GLIPR2: variants seen among roughly 807,000 people sequenced by gnomAD.
GLIPR2 encodes Golgi-associated plant pathogenesis-related protein 1.
GLIPR2 carries 21 observed loss-of-function variants against 20.4 expected under a neutral mutation model. The ratio of observed to expected loss-of-function variants is 1.03; its 90% CI spans 0.73 to 1.48. The LOEUF (loss-of-function observed/expected upper bound fraction) is 1.48, where lower values mean the gene tolerates loss of function less well. GLIPR2 is among the 40% of genes most tolerant of loss of function. The probability of loss-of-function intolerance (pLI) is 0.00; values close to 1 mark genes in which losing one functional copy is unlikely to be tolerated. For synonymous variants in GLIPR2, 91 were observed against 80.5 expected (o/e 1.13, Z -0.70); for missense variants, 205 against 200.1 (o/e 1.02, Z -0.15).
chr9:36,138,568 G>C (rs533996477), intron 1 of GLIPR2, among the ~76,000 whole-genome samples: 21 of 152,266 alleles, frequency 1.4e-4, no homozygotes, highest in African/African-American at 4.8e-4. Context: ...CGGTTTTCCA[G>C]AACTGCTCAT....
intron 1 of GLIPR2, among the ~76,000 whole-genome samples, chr9:36,140,776 T>C (rs1455653520): frequency 6.6e-6 from 1 of 152,166 alleles, no homozygotes; most frequent in African/African-American, 2.4e-5. Flanking sequence ...TACACCCGGC[T>C]CTAATGTGGG....
chr9:36,139,583 C>T (rs1014770466), intron 1 of GLIPR2, among the ~76,000 whole-genome samples: 1 of 152,184 alleles, frequency 6.6e-6, no homozygotes, highest in Non-Finnish European at 1.5e-5. Context: ...GTGGCACTCA[C>T]AGGGGCTCTG....
At chr9:36,149,404 T>C (rs1297520250) in intron 3 of GLIPR2, among the ~76,000 whole-genome samples, 1 of 152,250 alleles carries the variant, frequency 6.6e-6, no homozygotes, top group East Asian at 1.9e-4. Flanking sequence ...CCAGGGCTCC[T>C]GTGCAACGTG....
At chr9:36,148,711 T>C in intron 3 of GLIPR2, 61 bp downstream of exon 3, 1 of 1,152,122 alleles carries the variant, frequency 8.7e-7, no homozygotes. Flanking sequence ...CAAGTCCTCC[T>C]GAAATGCCTC....
chr9:36,153,562 A>C (rs1185996590), intron 4 of GLIPR2, among the ~76,000 whole-genome samples: 1 of 152,044 alleles, frequency 6.6e-6, no homozygotes, highest in African/African-American at 2.4e-5. Flanking sequence ...ATCTCTGTTC[A>C]TGGATTCCCT....
In GLIPR2 at chr9:36,162,857, CT is replaced by C. The variant is rs751550799; in HGVS notation, c.*340del. On this transcript the variant is annotated 3_prime_UTR_variant, in exon 5 of 5. Coordinates refer to ENST00000377960, the MANE Select transcript of GLIPR2 (RefSeq NM_022343.4). The stretch of plus-strand genomic sequence containing the variant: ...CTTACTTCTAATATCCATCCCTGGA[CT>C]TTTTGTATTCCAAATGTTTGTGATG... The C allele has an allele frequency of 4.2e-6, 2 of 473,692 alleles. No individual in the cohort carries two copies. The highest frequency in any genetic ancestry group is 8.3e-6 in the Non-Finnish European group (2 of 241,080). 29.3% of individuals were successfully genotyped at this position (473,692 alleles called of 1,614,324 possible).
At chr9:36,152,119 G>C (rs1456451600) in intron 4 of GLIPR2, among the ~76,000 whole-genome samples, 1 of 152,206 alleles carries the variant, frequency 6.6e-6, no homozygotes, top group African/African-American at 2.4e-5. Context: ...CTCTGGGGCA[G>C]AGGCAGAAGC....
chr9:36,152,173 C>T (rs1350259144), intron 4 of GLIPR2, among the ~76,000 whole-genome samples: 2 of 152,204 alleles, frequency 1.3e-5, no homozygotes, highest in Admixed American at 6.5e-5. Context: ...CTGCAGGACT[C>T]CAGGCTGGGC....
intron 1 of GLIPR2, among the ~76,000 whole-genome samples, chr9:36,140,047 G>A (rs1825005459): frequency 2.0e-5 from 3 of 152,188 alleles, no homozygotes; most frequent in Non-Finnish European, 4.4e-5. Context: ...CAGAGGTTGA[G>A]TACCTTGCCC....
chr9:36,152,279 T>A (rs1353555084), intron 4 of GLIPR2, among the ~76,000 whole-genome samples: 2 of 152,158 alleles, frequency 1.3e-5, no homozygotes, highest in Non-Finnish European at 2.9e-5. Flanking sequence ...TGATTAAGGA[T>A]GTGTAGGCAG....
intron 4 of GLIPR2, among the ~76,000 whole-genome samples, chr9:36,154,091 A>ATC (rs1825721539): frequency 1.6e-5 from 2 of 122,318 alleles, no homozygotes; most frequent in African/African-American, 6.2e-5. Flanking sequence ...TATTATATAT[A>ATC]TATATCTTTT....
chr9:36,144,400 A>G (rs1825229717), intron 1 of GLIPR2: 1 of 152,180 alleles, frequency 6.6e-6, no homozygotes, highest in South Asian at 2.1e-4. Context: ...CAACTTTTTC[A>G]TGTTGCAAAA....
intron 1 of GLIPR2, among the ~76,000 whole-genome samples, chr9:36,137,181 T>C (rs947532477): frequency 1.3e-5 from 2 of 152,128 alleles, no homozygotes; most frequent in African/African-American, 2.4e-5. Context: ...GCCCTGAGCA[T>C]CCCCCTCATC....
At position 36,140,386 on chromosome 9, in the gene GLIPR2, T is replaced by G. The variant is rs138005496; in HGVS notation, c.13+3595T>G. Reference sequence around the variant, plus strand: ...CAGGCCAACCCCAGCAGTTTCATTTTCATCTGTTGCTTTTATTGAAGGTTT... The same window carrying G: ...CAGGCCAACCCCAGCAGTTTCATTTGCATCTGTTGCTTTTATTGAAGGTTT... On this transcript the variant is annotated intron_variant, in intron 1 of 4. Coordinates refer to ENST00000377960, the MANE Select transcript of GLIPR2 (RefSeq NM_022343.4). 1.4e-4 allele frequency among the ~76,000 whole-genome samples: 21 copies of G among 152,350 alleles called. No individual in the cohort carries two copies. In the East Asian group the frequency reaches 4.0e-3, roughly 29 times the overall value.
chr9:36,137,032 G>A lies in GLIPR2; in HGVS notation c.13+241G>A, dbSNP rs1824853504. Among the ~76,000 whole-genome samples, 3 of 152,138 alleles carry A rather than the reference G, an allele frequency of 2.0e-5. No individual in the cohort carries two copies. In the South Asian group the frequency reaches 6.2e-4, roughly 31 times the overall value. Reference sequence around the variant, plus strand: ...GCCAAGTTGGGCTTCCCGACCCTGAGGGGCTGCGCGCCGCGGCCCGCCAAG... The same window carrying A: ...GCCAAGTTGGGCTTCCCGACCCTGAAGGGCTGCGCGCCGCGGCCCGCCAAG... On this transcript the variant is annotated intron_variant, in intron 1 of 4. Transcript: ENST00000377960.
chr9:36,145,277 C>A (rs1188785006), intron 1 of GLIPR2, among the ~76,000 whole-genome samples: 1 of 152,256 alleles, frequency 6.6e-6, no homozygotes, highest in Non-Finnish European at 1.5e-5. Context: ...GGCTGGCTAG[C>A]CCCTGTTCAG....
At chr9:36,156,122 A>G (rs1471599752) in intron 4 of GLIPR2, among the ~76,000 whole-genome samples, 1 of 152,172 alleles carries the variant, frequency 6.6e-6, no homozygotes, top group Non-Finnish European at 1.5e-5. Flanking sequence ...AGGCACAACA[A>G]TCGCTTGAAT....
Position 36,148,971 on chromosome 9 carries a change from C to A in GLIPR2, c.226+321C>A, listed in dbSNP as rs118007921. 4.9e-3 allele frequency among the ~76,000 whole-genome samples: 740 copies of A among 152,298 alleles called. 4 individuals are homozygous for A. The highest frequency in any genetic ancestry group is 8.8e-3 in the Admixed American group (134 of 15,298). On this transcript the variant is annotated intron_variant, in intron 3 of 4. Transcript: ENST00000377960. ...AGACCGCTTTTGTACAGAATCTCAG[C>A]CTGATTCTGTGTCCACCAGAGCATC...
chr9:36,136,685 G>T, upstream of GLIPR2: 1 of 936,532 alleles, frequency 1.1e-6, no homozygotes, highest in South Asian at 5.3e-5. The surrounding 1 kb of genome is among the most constrained non-coding windows in gnomAD (Gnocchi z 4.3). Flanking sequence ...GAGGGGCCGC[G>T]GCATCAGCCC....
Sources: allele counts gnomAD v4.1 joint callset (sites outside exome capture counted in the v4.1 genomes callset), GRCh38; gene constraint gnomAD v4.1.1; non-coding constraint Gnocchi (gnomAD v3.1); transcripts MANE v1.5; gene names NCBI Gene and HGNC (gene_info 2026-07-23, HGNC 2026-07-21).